Variants in KCNQ2 observed in about 807,000 individuals in gnomAD.
KCNQ2 encodes potassium voltage-gated channel subfamily Q member 2, also known as potassium voltage-gated channel subfamily KQT member 2.
In KCNQ2, 14 loss-of-function variants were observed where a neutral mutation model predicts 84.8. That is an observed-to-expected ratio of 0.17 (90% CI 0.11 to 0.26). The LOEUF is 0.26. Ranked by LOEUF, KCNQ2 falls within the 10% of genes least tolerant of loss-of-function variation. The pLI is 1.00. For synonymous variants in KCNQ2, 599 were observed against 554.1 expected (o/e 1.08, Z -1.14); for missense variants, 788 against 1,254.0 (o/e 0.63, Z 5.61).
chr20:63,442,842 C>T (rs1444440266), intron 4 of KCNQ2, among the ~76,000 whole-genome samples: 2 of 26,718 alleles, frequency 7.5e-5, no homozygotes, highest in Admixed American at 3.8e-4. Flanking sequence ...ACCACCACCA[C>T]CATCACCATC....
chr20:63,416,783 T>C (rs909946516), intron 12 of KCNQ2, among the ~76,000 whole-genome samples: 2 of 151,824 alleles, frequency 1.3e-5, no homozygotes, highest in African/African-American at 4.8e-5. Flanking sequence ...GGCACAGAGA[T>C]AACCAGCCAC....
At chr20:63,429,011 C>T (rs779884203) in intron 9 of KCNQ2, among the ~76,000 whole-genome samples, 2 of 152,002 alleles carry the variant, frequency 1.3e-5, no homozygotes, top group Admixed American at 6.6e-5. Context: ...AGCTCTGCTC[C>T]GAGCCCCCTT....
In KCNQ2 at chr20:63,407,154, C is replaced by T. The variant is rs771679143; in HGVS notation, c.2109G>A (p.Ala703=). Reference sequence around the variant, plus strand: ...ACTGGACAGGGGGCGCGGCCGGGGGCGCCGAGAAGTTCTTCTGGCCCGTGG... The same window carrying T: ...ACTGGACAGGGGGCGCGGCCGGGGGTGCCGAGAAGTTCTTCTGGCCCGTGG... ...SSSTGQKNFS[A]PPAAPPVQCP... The change falls in exon 17 of 17, where the codon GCG becomes GCA. Residue 703 remains alanine (A), a synonymous_variant. Transcript: ENST00000359125. This position sits in a 1 kb window ranked among gnomAD's most constrained non-coding sequence, Gnocchi z 7.2. 1.6e-5 allele frequency: 25 copies of T among 1,586,908 alleles called. No homozygotes were observed. The highest frequency in any genetic ancestry group is 1.4e-4 in the South Asian group (12 of 88,648).
intron 11 of KCNQ2, among the ~76,000 whole-genome samples, chr20:63,421,986 G>A (rs2080485350): frequency 6.6e-6 from 1 of 152,154 alleles, no homozygotes; most frequent in South Asian, 2.1e-4. Context: ...CCTGTGTTCT[G>A]AGCCAGGATG....
rs2080197645 is a variant in KCNQ2, at chr20:63,413,713, C to A, written c.1632-132G>T. The A allele has an allele frequency of 4.8e-6, 5 of 1,036,704 alleles. 1 individual carries two copies. Among genetic ancestry groups the A allele is most frequent in the South Asian group, 2.8e-5 (2 of 72,408 alleles). The allele number at this position is 1,036,704 out of a possible 1,614,324, so 64.2% of individuals were successfully genotyped here. A position where few individuals can be genotyped will look rare whatever the true frequency, so the allele number is the denominator to read the frequency against. ...ACTTGCCCCTCTTGTCTGCCGCCCA[C>A]CAGCTCCACACACAGAAGGGCCTTT... On this transcript the variant is annotated intron_variant, in intron 14 of 16. Transcript: ENST00000359125.
intron 1 of KCNQ2, among the ~76,000 whole-genome samples, chr20:63,451,004 G>A (rs6011834): frequency 0.012 from 1,887 of 152,030 alleles, 50 homozygotes; most frequent in African/African-American, 0.044. Context: ...CAGGCATGGT[G>A]GCGCAGGTCT....
rs2079989487 is a variant in KCNQ2, at chr20:63,407,589, A to G, written c.1888-214T>C. Among the ~76,000 whole-genome samples the G allele has an allele frequency of 6.7e-6, 1 of 148,912 alleles. No homozygotes were observed. The highest frequency in any genetic ancestry group is 2.5e-5 in the African/African-American group (1 of 39,780). On this transcript the variant is annotated intron_variant, in intron 16 of 16. Transcript: ENST00000359125. This position sits in a 1 kb window ranked among gnomAD's most constrained non-coding sequence, Gnocchi z 7.2. Reference sequence around the variant, plus strand: ...TGGGGGGGCCCAGGCTGGTTCCAGGAAACAGGAGAGACCCAGGCTAGTCCC... The same window carrying G: ...TGGGGGGGCCCAGGCTGGTTCCAGGGAACAGGAGAGACCCAGGCTAGTCCC...
At chr20:63,431,810 C>G (rs1213299520) in intron 8 of KCNQ2, among the ~76,000 whole-genome samples, 1 of 152,188 alleles carries the variant, frequency 6.6e-6, no homozygotes, top group East Asian at 1.9e-4. Context: ...CTGGGCCCCA[C>G]CCCAGCTTAG....
Position 63,408,017 on chromosome 20 carries a change from T to G in KCNQ2, c.1887+396A>C, listed in dbSNP as rs2080001138. 3.4e-6 allele frequency: 1 copy of G among 292,976 alleles called. No homozygotes were observed. 18.1% of individuals were successfully genotyped at this position (292,976 alleles called of 1,614,324 possible). A position where few individuals can be genotyped will look rare whatever the true frequency, so the allele number is the denominator to read the frequency against. Reference sequence around the variant, plus strand: ...GAAGCAGGCCCCAAAACAAGGGTCCTCTGCGGTGGTTCCTGAGAATGCACC... The same window carrying G: ...GAAGCAGGCCCCAAAACAAGGGTCCGCTGCGGTGGTTCCTGAGAATGCACC... On this transcript the variant is annotated intron_variant, in intron 16 of 16. Transcript: ENST00000359125. The surrounding 1 kb of genome is among the most constrained non-coding windows in gnomAD (Gnocchi z 5.0).
Position 63,414,667 on chromosome 20 carries a change from G to A in KCNQ2, c.1525+236C>T, listed in dbSNP as rs568815007. On this transcript the variant is annotated intron_variant, in intron 13 of 16. Transcript: ENST00000359125. The surrounding 1 kb of genome is among the most constrained non-coding windows in gnomAD (Gnocchi z 6.6). ...TGGTGATGAGAATGTTCTGGAACTA[G>A]GCTGAGGTGGTGGTGACAACTCCAC... Among the ~76,000 whole-genome samples, 1 of 151,826 alleles carries A rather than the reference G, an allele frequency of 6.6e-6. No homozygotes were observed. Among genetic ancestry groups the A allele is most frequent in the African/African-American group, 2.4e-5 (1 of 41,430 alleles).
chr20:63,467,943 C>T (rs884851), intron 1 of KCNQ2, among the ~76,000 whole-genome samples: 27,027 of 152,152 alleles, frequency 0.18, 2,681 homozygotes, highest in South Asian at 0.33. Context: ...TCTCTGCTCT[C>T]ACTGTGGAAT....
At chr20:63,419,967 A>G (rs1231557127) in intron 11 of KCNQ2, among the ~76,000 whole-genome samples, 4 of 152,164 alleles carry the variant, frequency 2.6e-5, no homozygotes, top group African/African-American at 4.8e-5. Context: ...TATTTTTTGC[A>G]GTATTCATGC....
chr20:63,426,820 C>T (rs2080648262), intron 10 of KCNQ2, among the ~76,000 whole-genome samples: 1 of 152,286 alleles, frequency 6.6e-6, no homozygotes, highest in South Asian at 2.1e-4. Flanking sequence ...CCCCACCCAC[C>T]ATCTCTTCAG....
At chr20:63,432,398 G>A in intron 8 of KCNQ2, among the ~76,000 whole-genome samples, 1 of 146,702 alleles carries the variant, frequency 6.8e-6, no homozygotes, top group East Asian at 2.1e-4. Context: ...CCACCCACAG[G>A]GAAGGCCCCA....
intron 9 of KCNQ2, 91 bp downstream of exon 9, chr20:63,431,249 C>T: frequency 6.9e-7 from 1 of 1,459,516 alleles, no homozygotes; most frequent in Admixed American, 1.7e-5. Context: ...CCGGGTGGGC[C>T]ACGGGGCTCC....
Position 63,472,215 on chromosome 20 carries a change from G to A in KCNQ2, c.249C>T (p.Asn83=), listed in dbSNP as rs1568986197. 1.9e-6 allele frequency: 3 copies of A among 1,548,432 alleles called. No homozygotes were observed. Among genetic ancestry groups the A allele is most frequent in the Admixed American group, 1.9e-5 (1 of 51,596 alleles). Residue 83 remains asparagine (N), a synonymous_variant, in exon 1 of 17, where the codon AAC becomes AAT. Coordinates refer to ENST00000359125, the MANE Select transcript of KCNQ2 (RefSeq NM_172107.4). ...CCCAGCCGCGCGGCCGCTCCAGCAC[G>A]TTGTAGAGGAAATTCTGCAGCTTGC... is the stretch of plus-strand genomic sequence containing the variant. ...FYRKLQNFLY[N]VLERPRGWAF...
At chr20:63,431,666 G>A (rs534465587) in intron 8 of KCNQ2, among the ~76,000 whole-genome samples, 1 of 152,206 alleles carries the variant, frequency 6.6e-6, no homozygotes. Flanking sequence ...ACCCCAGAGG[G>A]CGACTGCAAA....
rs1398178798 is a variant in KCNQ2, at chr20:63,400,906, A to G, written c.*5738T>C. 1 of 398,130 alleles carries G rather than the reference A, an allele frequency of 2.5e-6. No homozygotes were observed. The highest frequency in any genetic ancestry group is 4.4e-6 in the Non-Finnish European group (1 of 225,766). 24.7% of individuals were successfully genotyped at this position (398,130 alleles called of 1,614,324 possible). On this transcript the variant is annotated 3_prime_UTR_variant, in exon 17 of 17. Coordinates refer to ENST00000359125, the MANE Select transcript of KCNQ2 (RefSeq NM_172107.4). The surrounding 1 kb of genome is among the most constrained non-coding windows in gnomAD (Gnocchi z 8.7). ...CAGGGCGTCCGTACCTGGCACAGCC[A>G]GGGGGCATGGGGCGACCTCAGGGAG...
Position 63,460,304 on chromosome 20 carries a change from C to G in KCNQ2, c.296+11864G>C, listed in dbSNP as rs1189572396. 6.6e-6 allele frequency among the ~76,000 whole-genome samples: 1 copy of G among 152,170 alleles called. No homozygotes were observed. The highest frequency in any genetic ancestry group is 1.5e-5 in the Non-Finnish European group (1 of 68,012). On this transcript the variant is annotated intron_variant, in intron 1 of 16. Transcript: ENST00000359125. This position sits in a 1 kb window ranked among gnomAD's most constrained non-coding sequence, Gnocchi z 5.4. ...GAGCTGGGGTGGAGAGGGGCTCCCC[C>G]CACCCTCAACAAGGGGGCTCCTCCT...
Sources: allele counts gnomAD v4.1 joint callset (sites outside exome capture counted in the v4.1 genomes callset), GRCh38; gene constraint gnomAD v4.1.1; non-coding constraint Gnocchi (gnomAD v3.1); transcripts MANE v1.5; gene names NCBI Gene and HGNC (gene_info 2026-07-23, HGNC 2026-07-21).